RASA1: variants seen among roughly 807,000 people sequenced by gnomAD.
RASA1 encodes ras GTPase-activating protein 1.
RASA1 carries 25 observed loss-of-function variants against 132.2 expected under a neutral mutation model. That is an observed-to-expected ratio of 0.19 (90% CI 0.14 to 0.26). The LOEUF is 0.26. Ranked by LOEUF, RASA1 falls within the 10% of genes least tolerant of loss-of-function variation. The pLI is 1.00. For missense variants in RASA1, 964 were observed against 1,299.2 expected, an observed-to-expected ratio of 0.74 and a Z score of 3.97; for synonymous variants, 477 against 449.9, an observed-to-expected ratio of 1.06 and a Z score of -0.76.
intron 1 of RASA1, among the ~76,000 whole-genome samples, chr5:87,314,103 G>A (rs760229488): frequency 5.9e-5 from 9 of 152,196 alleles, no homozygotes; most frequent in Non-Finnish European, 1.2e-4. Flanking sequence ...AACCCGGGAC[G>A]TGGAGGTTGC....
chr5:87,284,548 C>T (rs1754459673), intron 1 of RASA1, among the ~76,000 whole-genome samples: 1 of 152,174 alleles, frequency 6.6e-6, no homozygotes, highest in South Asian at 2.1e-4. Context: ...TGGAGTGGAA[C>T]TGTTCTCTAC....
chr5:87,283,144 T>TG (rs1449499287), intron 1 of RASA1, among the ~76,000 whole-genome samples: 127 of 146,782 alleles, frequency 8.7e-4, no homozygotes, highest in South Asian at 2.0e-3. Context: ...TGTTTTTTTT[T>TG]TGTGTTTTTT....
intron 1 of RASA1, among the ~76,000 whole-genome samples, chr5:87,286,965 T>TATACACCATATATATACATACCATATAC (rs1561256065): frequency 6.8e-6 from 1 of 147,956 alleles, no homozygotes; most frequent in South Asian, 2.1e-4. Flanking sequence ...ATACCATATA[T>TATACACCATATATATACATACCATATAC]ACACCATATA....
At chr5:87,317,089 G>A (rs1400541704) in intron 1 of RASA1, among the ~76,000 whole-genome samples, 1 of 151,928 alleles carries the variant, frequency 6.6e-6, no homozygotes, top group East Asian at 1.9e-4. Context: ...TACCTTGTTG[G>A]CCAGGCTGTT....
At chr5:87,347,641 C>G (rs544249650) in intron 7 of RASA1, among the ~76,000 whole-genome samples, 10 of 151,760 alleles carry the variant, frequency 6.6e-5, no homozygotes, top group African/African-American at 1.2e-4. Context: ...ATACTTTATT[C>G]TTTTGAAAGA....
Position 87,349,275 on chromosome 5 carries a change from T to G in RASA1, c.1164T>G (p.Leu388=). The change falls in exon 8 of 25, where the codon CTT becomes CTG. Residue 388 remains leucine, a synonymous_variant. Coordinates refer to ENST00000274376, the MANE Select transcript of RASA1 (RefSeq NM_002890.3). The part of the protein sequence containing the change: ...PSDNTPGDYS[L]YFRTNENIQR... ...ATAATACTCCTGGCGATTATTCACT[T>G]TATTTCCGGACCAATGAAAATATTC... 1 of 1,612,270 alleles carries G rather than the reference T, an allele frequency of 6.2e-7. No homozygotes were observed. The highest frequency in any genetic ancestry group is 8.5e-7 in the Non-Finnish European group (1 of 1,178,812).
chr5:87,295,819 T>C (rs1230589737), intron 1 of RASA1, among the ~76,000 whole-genome samples: 1 of 151,314 alleles, frequency 6.6e-6, no homozygotes, highest in Non-Finnish European at 1.5e-5. Context: ...TCCTCTAGTT[T>C]TGGTTTTTTT....
chr5:87,377,210 G>GGTTA, intron 17 of RASA1, 170 bp downstream of exon 17: 1 of 808,106 alleles, frequency 1.2e-6, no homozygotes, highest in Non-Finnish European at 2.0e-6. Context: ...TGATTATGTT[G>GGTTA]GTTACTATGG....
intron 1 of RASA1, among the ~76,000 whole-genome samples, chr5:87,325,643 A>G (rs1394227564): frequency 6.6e-6 from 1 of 152,238 alleles, no homozygotes; most frequent in Non-Finnish European, 1.5e-5. Context: ...TGTCAGTAAT[A>G]TAACCAAAAG....
At chr5:87,305,790 GAAAAGAATCCATTAAAATGTGGGCA>G (rs1271682199) in intron 1 of RASA1, among the ~76,000 whole-genome samples, 24 of 152,140 alleles carry the variant, frequency 1.6e-4, no homozygotes, top group Non-Finnish European at 2.4e-4. Flanking sequence ...CATTTACGAG[GAAAAGAATCCATTAAAATGTGGGCA>G]AAGGACATGA....
Position 87,380,567 on chromosome 5 carries a change from A to T in RASA1, c.2662A>T (p.Asn888Tyr). 3 of 1,613,226 alleles carry T rather than the reference A, an allele frequency of 1.9e-6. No individual in the cohort carries two copies. The highest frequency in any genetic ancestry group is 2.5e-6 in the Non-Finnish European group (3 of 1,179,296). The change falls in exon 20 of 25, where the codon AAT (asparagine) becomes TAT (tyrosine). Residue 888 changes from asparagine to tyrosine, a missense_variant. Asn to Tyr is a moderately radical substitution (Grantham distance 143). Transcript: ENST00000274376. ...QKSVQHKWPT[N>Y]TTMRTRVVSG... is the part of the protein sequence containing the mutation. ...ATCTGTTCAGCATAAGTGGCCTACA[A>T]ATACCACCATGAGAACAAGAGTTGT...
intron 1 of RASA1, among the ~76,000 whole-genome samples, chr5:87,295,499 ATATT>A (rs1265953939): frequency 1.3e-5 from 2 of 150,328 alleles, no homozygotes; most frequent in South Asian, 2.1e-4. Context: ...TTATATATAT[ATATT>A]TATTTTATTT....
chr5:87,291,160 G>C (rs1362192403), intron 1 of RASA1, among the ~76,000 whole-genome samples: 2 of 152,166 alleles, frequency 1.3e-5, no homozygotes, highest in Non-Finnish European at 2.9e-5. Flanking sequence ...AAGGTGTATA[G>C]TGATATCTTG....
intron 9 of RASA1, among the ~76,000 whole-genome samples, chr5:87,361,036 ACACC>A (rs1760050896): frequency 6.6e-6 from 1 of 152,172 alleles, no homozygotes; most frequent in South Asian, 2.1e-4. Flanking sequence ...ACATACACAC[ACACC>A]CAGAGTGATG....
At chr5:87,271,560 G>A (rs980991776) in intron 1 of RASA1, among the ~76,000 whole-genome samples, 9 of 126,620 alleles carry the variant, frequency 7.1e-5, no homozygotes, top group African/African-American at 1.2e-4. Context: ...GCTCCGCCCC[G>A]CCCCTCCCCG....
chr5:87,338,619 G>A (rs182930070), intron 5 of RASA1, among the ~76,000 whole-genome samples: 31 of 146,898 alleles, frequency 2.1e-4, no homozygotes, highest in African/African-American at 7.8e-4. Context: ...TGTTCCACCC[G>A]CCTTAGCCTC....
At chr5:87,389,340 CA>C (rs368043768) in intron 23 of RASA1, 52 bp from the exon 24 acceptor site, 90 of 1,579,426 alleles carry the variant, frequency 5.7e-5, no homozygotes, top group East Asian at 2.3e-4. Flanking sequence ...TCAAAAAAAA[CA>C]AAAAAAAAGA....
At chr5:87,353,111 G>A (rs1350113010) in intron 8 of RASA1, 46 bp from the exon 9 acceptor site, 2 of 1,436,592 alleles carry the variant, frequency 1.4e-6, no homozygotes, top group Admixed American at 3.4e-5. Flanking sequence ...TAAAGATTTT[G>A]CAGTTTTATG....
At chr5:87,282,029 G>T (rs1754342196) in intron 1 of RASA1, among the ~76,000 whole-genome samples, 1 of 151,980 alleles carries the variant, frequency 6.6e-6, no homozygotes, top group Non-Finnish European at 1.5e-5. Context: ...GTCTTTTGAT[G>T]CATTTAATTT....
Sources: allele counts gnomAD v4.1 joint callset (sites outside exome capture counted in the v4.1 genomes callset), GRCh38; gene constraint gnomAD v4.1.1; transcripts MANE v1.5; gene names NCBI Gene and HGNC (gene_info 2026-07-23, HGNC 2026-07-21).